Variants in XRRA1 observed in about 807,000 individuals in gnomAD.
XRRA1 encodes X-ray radiation resistance-associated protein 1.
XRRA1 carries 69 observed loss-of-function variants against 80.2 expected under a neutral mutation model. That is an observed-to-expected ratio of 0.86 (90% CI 0.71 to 1.05). The LOEUF (loss-of-function observed/expected upper bound fraction) is 1.05. Ranked by LOEUF, XRRA1 falls within the 50% of genes least tolerant of loss-of-function variation. XRRA1 has a pLI of 0.00. For missense variants in XRRA1, 967 were observed against 976.4 expected (o/e 0.99, Z 0.13); for synonymous variants, 348 against 389.9 (o/e 0.89, Z 1.27).
At chr11:74,869,926 TTTCCTCAGCCATGAGACA>T (rs1442171976) in intron 10 of XRRA1, among the ~76,000 whole-genome samples, 7 of 152,178 alleles carry the variant, frequency 4.6e-5, no homozygotes, top group Non-Finnish European at 1.0e-4. Flanking sequence ...AGGTCCTTGA[TTTCCTCAGCCATGAGACA>T]ACAAACCTCG....
intron 8 of XRRA1, among the ~76,000 whole-genome samples, chr11:74,915,272 TTAAAG>T (rs1938236767): frequency 6.6e-6 from 1 of 152,176 alleles, no homozygotes; most frequent in South Asian, 2.1e-4. Flanking sequence ...GGAAAGTTGC[TTAAAG>T]TATAGAGAAA....
chr11:74,845,759 A>C (rs970224079), intron 15 of XRRA1, among the ~76,000 whole-genome samples: 2 of 152,230 alleles, frequency 1.3e-5, no homozygotes. Context: ...ATCGGTAAGG[A>C]CCATTATATG....
chr11:74,898,661 A>T (rs1425206440), intron 10 of XRRA1, among the ~76,000 whole-genome samples: 1 of 152,154 alleles, frequency 6.6e-6, no homozygotes, highest in Admixed American at 6.5e-5. Context: ...GAAGATAATT[A>T]AAAAAACAAA....
At position 74,851,094 on chromosome 11, in the gene XRRA1, T is replaced by C. The variant is rs763935865; in HGVS notation, c.1374A>G (p.Ser458=). 1.2e-5 allele frequency: 20 copies of C among 1,609,444 alleles called. No homozygotes were observed. Among genetic ancestry groups the C allele is most frequent in the Non-Finnish European group, 1.6e-5 (19 of 1,177,472 alleles). ...KHHVLMSRKE[S]WKVKSEIPKV... ...CCTGCCTTGGAAGCCCTACCTTCCA[T>C]GATTCCTTCCGAGACATCAAAACAT... Residue 458 remains serine, a synonymous_variant, in exon 14 of 19, where the codon TCA becomes TCG. Coordinates refer to ENST00000684022, the MANE Select transcript of XRRA1 (RefSeq NM_001378157.1).
intron 5 of XRRA1, 117 bp from the exon 6 acceptor site, chr11:74,930,489 G>C (rs1943258196): frequency 1.3e-6 from 1 of 756,908 alleles, no homozygotes; most frequent in East Asian, 2.7e-5. Context: ...AGGAATAAGG[G>C]ACATCCCTAG....
In XRRA1 at chr11:74,845,166, T is replaced by C. The variant is rs1297052130; in HGVS notation, c.1834A>G (p.Arg612Gly). The C allele has an allele frequency of 6.2e-7, 1 of 1,614,062 alleles. No homozygotes were observed. Among genetic ancestry groups the C allele is most frequent in the African/African-American group, 1.3e-5 (1 of 75,074 alleles). The change falls in exon 16 of 19, where the codon AGG becomes GGG. Residue 612 changes from arginine to glycine, a missense_variant. Physicochemically the swap from Arg to Gly is moderately radical, Grantham distance 125. Transcript: ENST00000684022. Reference sequence around the variant, plus strand: ...GGAAGGAAGGCAGTTGGGAGTTTCCTCCGAGTCCCTTTCACCTCTCTGGGT... The same window carrying C: ...GGAAGGAAGGCAGTTGGGAGTTTCCCCCGAGTCCCTTTCACCTCTCTGGGT... ...TAPREVKGTR[R>G]KLPTAFLPSK...
At chr11:74,903,178 A>AT (rs1196403164) in intron 10 of XRRA1, among the ~76,000 whole-genome samples, 1 of 152,188 alleles carries the variant, frequency 6.6e-6, no homozygotes, top group Non-Finnish European at 1.5e-5. Flanking sequence ...TCAGGTGGCA[A>AT]TTTTTAAAAC....
Position 74,843,160 on chromosome 11 carries a change from G to T in XRRA1, c.*40C>A, listed in dbSNP as rs1591451499. ...GCACAGAGCCCTCGGGGAGAGCTGG[G>T]GCACAGGCCGGGTGGTGCACACAGC... On this transcript the variant is annotated 3_prime_UTR_variant, in exon 19 of 19. Coordinates refer to ENST00000684022, the MANE Select transcript of XRRA1 (RefSeq NM_001378157.1). 3 of 1,522,870 alleles carry T rather than the reference G, an allele frequency of 2.0e-6. No individual in the cohort carries two copies. The East Asian group carries it at 7.4e-5, about 38-fold the overall frequency. The allele number at this position is 1,522,870 out of a possible 1,614,324, so 94.3% of individuals were successfully genotyped here.
intron 10 of XRRA1, among the ~76,000 whole-genome samples, chr11:74,890,329 A>C (rs2050299750): frequency 6.6e-6 from 1 of 152,232 alleles, no homozygotes; most frequent in African/African-American, 2.4e-5. Context: ...TGAAGGCAGA[A>C]ATAAAGATGT....
At chr11:74,945,287 T>C (rs1348621550) in intron 1 of XRRA1, among the ~76,000 whole-genome samples, 2 of 152,136 alleles carry the variant, frequency 1.3e-5, no homozygotes, top group African/African-American at 2.4e-5. Context: ...GAAGGTGGTA[T>C]AGGAGAATAT....
chr11:74,885,263 C>CAA (rs146081906), intron 10 of XRRA1, among the ~76,000 whole-genome samples: 7,097 of 151,688 alleles, frequency 0.047, 195 homozygotes, highest in African/African-American at 0.077. Flanking sequence ...GACCCTGTCT[C>CAA]AAAGAAGAGA....
chr11:74,927,961 AAT>A (rs1189341271), intron 6 of XRRA1, among the ~76,000 whole-genome samples: 7 of 152,316 alleles, frequency 4.6e-5, no homozygotes, highest in Admixed American at 2.6e-4. Flanking sequence ...TTTTAACAAA[AAT>A]AGAGTCATAC....
chr11:74,897,613 C>T (rs2052632330), intron 10 of XRRA1, among the ~76,000 whole-genome samples: 1 of 146,982 alleles, frequency 6.8e-6, no homozygotes, highest in South Asian at 2.1e-4. Flanking sequence ...AGATAAGAAA[C>T]AACATACAAT....
intron 10 of XRRA1, among the ~76,000 whole-genome samples, chr11:74,904,993 A>C (rs1258742847): frequency 6.6e-6 from 1 of 152,120 alleles, no homozygotes; most frequent in Non-Finnish European, 1.5e-5. Flanking sequence ...TAACAAACCA[A>C]GCAGACAGAA....
At chr11:74,849,269 G>C (rs951552505) in intron 14 of XRRA1, among the ~76,000 whole-genome samples, 5 of 152,172 alleles carry the variant, frequency 3.3e-5, no homozygotes, top group Non-Finnish European at 7.3e-5. Context: ...AAAAATGTGG[G>C]CTAGAATACA....
At chr11:74,864,481 G>C (rs2042968921) in intron 10 of XRRA1, among the ~76,000 whole-genome samples, 1 of 152,162 alleles carries the variant, frequency 6.6e-6, no homozygotes, top group Admixed American at 6.5e-5. Flanking sequence ...TGAAACCCTG[G>C]TGGATCCCAA....
At chr11:74,927,362 G>A (rs981933719) in intron 7 of XRRA1, 29 bp downstream of exon 7, 1 of 1,367,674 alleles carries the variant, frequency 7.3e-7, no homozygotes, top group Non-Finnish European at 1.0e-6. Context: ...AACTTGGTGG[G>A]CACCAAAAAC....
At chr11:74,908,276 C>G (rs2138262900) in intron 8 of XRRA1, among the ~76,000 whole-genome samples, 2 of 152,346 alleles carry the variant, frequency 1.3e-5, no homozygotes, top group Non-Finnish European at 2.9e-5. Flanking sequence ...CTCAGAGCAA[C>G]TTGCCTGAAG....
chr11:74,914,939 C>T (rs990050971), intron 8 of XRRA1, among the ~76,000 whole-genome samples: 8 of 152,188 alleles, frequency 5.3e-5, no homozygotes, highest in African/African-American at 1.9e-4. Context: ...CATACTCCTG[C>T]TGTACTGCTA....
Sources: gnomAD v4.1 joint callset for allele counts (sites outside exome capture counted in the v4.1 genomes callset) on GRCh38, gnomAD v4.1.1 for gene constraint, MANE v1.5 for transcripts, NCBI Gene and HGNC (gene_info 2026-07-23, HGNC 2026-07-21) for gene names.